CDK13: variants seen among roughly 807,000 people sequenced by gnomAD.
CDK13 encodes the protein cyclin dependent kinase 13, also known as cyclin-dependent kinase 13.
Under a neutral mutation model 137.6 loss-of-function variants are expected in CDK13, and 40 were observed. The ratio of observed to expected loss-of-function variants is 0.29; its 90% CI spans 0.23 to 0.38. The LOEUF (loss-of-function observed/expected upper bound fraction) is 0.38, where lower values mean the gene tolerates loss of function less well. Ranked by LOEUF, CDK13 falls within the 10% of genes least tolerant of loss-of-function variation. CDK13 has a pLI of 1.00. For synonymous variants in CDK13, 869 were observed against 760.1 expected (o/e 1.14, Z -2.36); for missense variants, 1,704 against 1,951.8 (o/e 0.87, Z 2.39).
At position 39,951,013 on chromosome 7, in the gene CDK13, C is replaced by A. The variant is rs1430680739; in HGVS notation, c.372C>A (p.Pro124=). ...AGAAGCGTCGGGTCTTCTCGCTGCC[C>A]CAGCCGCAGCAGGACGGCGGTGGCG... ...EAEKRRVFSL[P]QPQQDGGGGA... The change falls in exon 1 of 14, where the codon CCC becomes CCA. Residue 124 remains proline, a synonymous_variant. Coordinates refer to ENST00000181839, the MANE Select transcript of CDK13 (RefSeq NM_003718.5). 1.5e-6 allele frequency: 2 copies of A among 1,302,544 alleles called. No homozygotes were observed. Among genetic ancestry groups the A allele is most frequent in the Admixed American group, 4.2e-5 (1 of 23,896 alleles). The allele number at this position is 1,302,544 out of a possible 1,614,324, so 80.7% of individuals were successfully genotyped here.
rs745324590 is a variant in CDK13 at position 40,094,646 on chromosome 7, G to A, written c.4205G>A (p.Ser1402Asn). 3.1e-6 allele frequency: 5 copies of A among 1,614,170 alleles called. No homozygotes were observed. Among genetic ancestry groups the A allele is most frequent in the Non-Finnish European group, 4.2e-6 (5 of 1,180,034 alleles). The change falls in exon 14 of 14, where the codon AGT becomes AAT. Residue 1402 changes from serine (S) to asparagine (N), a missense_variant. This residue lies in a region of CDK13 where 475 missense variants were observed against 579.3 expected (regional missense o/e 0.82). Coordinates refer to ENST00000181839, the MANE Select transcript of CDK13 (RefSeq NM_003718.5). ...TCTGCCTTTTCTGAGTCATTTCCCAGTTCAGTAGCTGGATATGGAGACATT... is the reference window on the plus strand; with the variant it reads ...TCTGCCTTTTCTGAGTCATTTCCCAATTCAGTAGCTGGATATGGAGACATT... Reference protein sequence around the residue: ...QPSAFSESFPSSVAGYGDIYL... With the variant: ...QPSAFSESFPNSVAGYGDIYL...
At chr7:39,963,618 C>G (rs1319102557) in intron 1 of CDK13, among the ~76,000 whole-genome samples, 3 of 152,176 alleles carry the variant, frequency 2.0e-5, no homozygotes, top group Non-Finnish European at 4.4e-5. Flanking sequence ...CCCTTTATTT[C>G]CTTCTCCTGC....
chr7:40,038,802 T>C (rs1310537146), intron 5 of CDK13, among the ~76,000 whole-genome samples: 1 of 152,076 alleles, frequency 6.6e-6, no homozygotes, highest in Non-Finnish European at 1.5e-5. Flanking sequence ...TTCAAGCGAT[T>C]CTCTTGTCTC....
chr7:40,078,813 C>A lies in CDK13; in HGVS notation c.2991C>A (p.Phe997Leu). 6.6e-7 allele frequency: 1 copy of A among 1,508,436 alleles called. No individual in the cohort carries two copies. The highest frequency in any genetic ancestry group is 1.4e-5 in the South Asian group (1 of 73,798). 93.4% of individuals were successfully genotyped at this position (1,508,436 alleles called of 1,614,324 possible). A position where few individuals can be genotyped will look rare whatever the true frequency, so the allele number is the denominator to read the frequency against. Residue 997 changes from phenylalanine (F) to leucine (L), a missense_variant, in exon 11 of 14, where the codon TTC becomes TTA. Physicochemically the swap from Phe to Leu is conservative, Grantham distance 22. Transcript: ENST00000181839. ...CTAEQALQCE[F>L]LRDVEPSKMP... ...CTGAACAGGCTCTTCAGTGCGAGTT[C>A]CTCCGAGATGTGGAACCCTCAAAAA... is the stretch of plus-strand genomic sequence containing the variant.
intron 7 of CDK13, among the ~76,000 whole-genome samples, chr7:40,055,900 C>T (rs965622278): frequency 1.3e-5 from 2 of 151,978 alleles, no homozygotes; most frequent in South Asian, 4.1e-4. Context: ...TTTTATTTGT[C>T]TGTCTTTGGA....
intron 7 of CDK13, among the ~76,000 whole-genome samples, chr7:40,052,360 A>G (rs1785910703): frequency 6.6e-6 from 1 of 152,122 alleles, no homozygotes; most frequent in African/African-American, 2.4e-5. Flanking sequence ...TGTTTTTAGT[A>G]GAGACGGGGT....
intron 5 of CDK13, among the ~76,000 whole-genome samples, chr7:40,018,059 C>G (rs995039394): frequency 1.3e-5 from 2 of 151,308 alleles, no homozygotes; most frequent in African/African-American, 4.9e-5. Context: ...GGATAAAGAT[C>G]GCCTTCTCTT....
At chr7:40,052,782 T>G (rs1785922380) in intron 7 of CDK13, among the ~76,000 whole-genome samples, 1 of 152,210 alleles carries the variant, frequency 6.6e-6, no homozygotes, top group African/African-American at 2.4e-5. Flanking sequence ...CTTTTGTGTT[T>G]TATGTTCCCT....
At chr7:40,060,692 C>T (rs1786122480) in intron 7 of CDK13, 1 of 152,074 alleles carries the variant, frequency 6.6e-6, no homozygotes, top group South Asian at 2.1e-4. Flanking sequence ...AGAGATTAGA[C>T]TTTATGAATA....
At chr7:39,994,761 T>C (rs963092904) in intron 2 of CDK13, among the ~76,000 whole-genome samples, 4 of 152,178 alleles carry the variant, frequency 2.6e-5, no homozygotes, top group South Asian at 2.1e-4. Flanking sequence ...ATCCTTTGAC[T>C]TCAGCCACCG....
At chr7:39,985,505 G>A (rs1344268994) in intron 1 of CDK13, 2 of 151,994 alleles carry the variant, frequency 1.3e-5, no homozygotes, top group African/African-American at 2.4e-5. Flanking sequence ...TGGGATTGCC[G>A]AATTATAAGA....
At chr7:40,083,898 G>A (rs1409410190) in intron 11 of CDK13, among the ~76,000 whole-genome samples, 1 of 152,042 alleles carries the variant, frequency 6.6e-6, no homozygotes, top group African/African-American at 2.4e-5. Context: ...TTTGCAATAT[G>A]ATATAATGAG....
chr7:39,976,323 T>TCTCTCTCTCTCTCTCTCACACACA, intron 1 of CDK13, among the ~76,000 whole-genome samples: 55 of 39,552 alleles, frequency 1.4e-3, no homozygotes, highest in East Asian at 3.5e-3. Context: ...TCTCTCTCTC[T>TCTCTCTCTCTCTCTCTCACACACA]CACACACACA....
At chr7:39,984,546 G>A (rs1583945114) in intron 1 of CDK13, 1 of 152,014 alleles carries the variant, frequency 6.6e-6, no homozygotes, top group East Asian at 1.9e-4. Context: ...TTTTGATACA[G>A]GCATGCATGC....
chr7:39,987,514 C>T (rs1275105695), intron 1 of CDK13, 85 bp from the exon 2 acceptor site: 7 of 1,086,008 alleles, frequency 6.4e-6, no homozygotes, highest in Non-Finnish European at 9.0e-6. Flanking sequence ...TATTTTATTT[C>T]ATAAACTTGA....
At chr7:40,019,023 A>G (rs1007388710) in intron 5 of CDK13, among the ~76,000 whole-genome samples, 2 of 152,230 alleles carry the variant, frequency 1.3e-5, no homozygotes, top group African/African-American at 4.8e-5. Context: ...ACTATGGTAT[A>G]TTATTACTAG....
intron 5 of CDK13, among the ~76,000 whole-genome samples, chr7:40,018,823 C>T (rs997458172): frequency 1.3e-5 from 2 of 152,110 alleles, no homozygotes; most frequent in Non-Finnish European, 2.9e-5. Flanking sequence ...AAATTTCATA[C>T]TTCACCGCTA....
intron 5 of CDK13, among the ~76,000 whole-genome samples, chr7:40,007,516 T>TC (rs1562725305): frequency 1.3e-5 from 2 of 152,344 alleles, no homozygotes; most frequent in Non-Finnish European, 2.9e-5. Context: ...GACCTCTGCC[T>TC]CCCGGGTTCA....
intron 12 of CDK13, among the ~76,000 whole-genome samples, chr7:40,090,193 T>C (rs1279196214): frequency 1.3e-5 from 2 of 152,250 alleles, no homozygotes; most frequent in African/African-American, 4.8e-5. Flanking sequence ...TTTCTGGTCC[T>C]CTTCATGGAA....
Sources: allele counts gnomAD v4.1 joint callset (sites outside exome capture counted in the v4.1 genomes callset), GRCh38; gene constraint gnomAD v4.1.1; regional missense constraint gnomAD v4.1.1; transcripts MANE v1.5; gene names NCBI Gene and HGNC (gene_info 2026-07-23, HGNC 2026-07-21).